Variants in AHNAK2 observed in about 807,000 individuals in gnomAD.
The protein encoded by AHNAK2 is protein AHNAK2.
AHNAK2 carries 18 observed loss-of-function variants against 30.7 expected under a neutral mutation model. The observed-to-expected ratio is 0.59, with a 90% CI of 0.41 to 0.87. The LOEUF is 0.87. Ranked by LOEUF, AHNAK2 falls within the 40% of genes least tolerant of loss-of-function variation. The pLI, the probability that AHNAK2 is intolerant of heterozygous loss-of-function variation, is 0.00. For missense variants in AHNAK2, 8,604 were observed against 7,373.0 expected (o/e 1.17, Z -6.11); for synonymous variants, 3,590 against 3,073.8 (o/e 1.17, Z -5.56).
Position 104,950,603 on chromosome 14 carries a change from A to G in AHNAK2, c.4848T>C (p.Asp1616=), listed in dbSNP as rs369609399. ...KGPKVEVTAP[D]VKMSLSSMEV... is the part of the protein sequence containing the mutation. ...CCATGCTGGACAGAGACATCTTCAC[A>G]TCGGGGGCTGTCACTTCCACCTTGG... The change falls in exon 7 of 7, where the codon GAT becomes GAC. Residue 1616 remains aspartate, a synonymous_variant. Transcript: ENST00000333244. 18 of 1,585,112 alleles carry G rather than the reference A, an allele frequency of 1.1e-5. 3 individuals are homozygous for G. Among genetic ancestry groups the G allele is most frequent in the African/African-American group, 1.1e-4 (8 of 72,546 alleles).
At chr14:104,969,831 C>T (rs1397699832) in intron 1 of AHNAK2, among the ~76,000 whole-genome samples, 1 of 152,206 alleles carries the variant, frequency 6.6e-6, no homozygotes, top group African/African-American at 2.4e-5. Flanking sequence ...GCCAGTTTCC[C>T]TGGGCTGAAA....
Position 104,938,852 on chromosome 14 carries a change from T to C in AHNAK2, c.16599A>G (p.Arg5533=). ...AGTGTTGAGTCATTGTTGTGTACACTCTAGCCTGCGTGTGGGGCTCTGGGA... is the reference window on the plus strand; with the variant it reads ...AGTGTTGAGTCATTGTTGTGTACACCCTAGCCTGCGTGTGGGGCTCTGGGA... ...VKIPEPHTQA[R]VYTTMTQHSR... is the part of the protein sequence containing the mutation. The change falls in exon 7 of 7, where the codon AGA becomes AGG. Residue 5533 remains arginine, a synonymous_variant. Transcript: ENST00000333244. 1 of 1,613,894 alleles carries C rather than the reference T, an allele frequency of 6.2e-7. No individual in the cohort carries two copies.
Position 104,949,461 on chromosome 14 carries a change from G to C in AHNAK2, c.5990C>G (p.Ser1997Trp), listed in dbSNP as rs1168495562. ...CCTCCCTGGGGCCGATACCCCGAAC[G>C]ACGGCATCTTGAATTTGGGCATTTT... is the stretch of plus-strand genomic sequence containing the variant. ...KFKMPKFKMP[S>W]FGVSAPGRSI... The change falls in exon 7 of 7, where the codon TCG becomes TGG. Residue 1997 changes from serine to tryptophan, a missense_variant. Ser to Trp is a radical substitution (Grantham distance 177, BLOSUM62 -3). Transcript: ENST00000333244. 1.3e-6 allele frequency: 2 copies of C among 1,588,240 alleles called. No individual in the cohort carries two copies. The highest frequency in any genetic ancestry group is 2.2e-5 in the South Asian group (2 of 89,886).
chr14:104,953,672 C>T lies in AHNAK2; in HGVS notation c.1779G>A (p.Ser593=), dbSNP rs181934120. ...TGCCTGTCTTTGTGTGCTTGCTTGG[C>T]GACCATCCTAAGGAGGGTATCTTGA... is the stretch of plus-strand genomic sequence containing the variant. ...PKFKIPSLGW[S]PSKHTKTGRE... is the part of the protein sequence containing the mutation. Residue 593 remains serine (S), a synonymous_variant, in exon 7 of 7, where the codon TCG becomes TCA. Transcript: ENST00000333244. The T allele has an allele frequency of 3.2e-4, 509 of 1,613,730 alleles. 9 individuals carry two copies. The East Asian group carries it at 9.2e-3, about 29-fold the overall frequency.
In AHNAK2 at chr14:104,940,131, G is replaced by A. The variant is rs1162702349; in HGVS notation, c.15320C>T (p.Ser5107Phe). 1.2e-6 allele frequency: 2 copies of A among 1,613,224 alleles called. No homozygotes were observed. The highest frequency in any genetic ancestry group is 1.7e-6 in the Non-Finnish European group (2 of 1,179,902). The change falls in exon 7 of 7, where the codon TCC becomes TTC. Residue 5107 changes from serine to phenylalanine, a missense_variant. Physicochemically the swap from Ser to Phe is radical, Grantham distance 155. Transcript: ENST00000333244. The surrounding 1 kb of genome is among the most constrained non-coding windows in gnomAD (Gnocchi z 4.4). Reference protein sequence around the residue: ...LGFAKPDLRSSKAKVEVSQPE... With the variant: ...LGFAKPDLRSFKAKVEVSQPE... ...CTGGCTCACCTCCACCTTGGCCTTGGAGGATCTGAGATCAGGTTTGGCAAA... is the reference window on the plus strand; with the variant it reads ...CTGGCTCACCTCCACCTTGGCCTTGAAGGATCTGAGATCAGGTTTGGCAAA...
At chr14:104,977,351 C>T (rs570905585) in intron 1 of AHNAK2, among the ~76,000 whole-genome samples, 1 of 152,182 alleles carries the variant, frequency 6.6e-6, no homozygotes, top group African/African-American at 2.4e-5. Flanking sequence ...CTGAGACACC[C>T]AGGCCCCGGA....
intron 1 of AHNAK2, among the ~76,000 whole-genome samples, chr14:104,960,712 T>C (rs1899110884): frequency 6.6e-6 from 1 of 152,236 alleles, no homozygotes; most frequent in Non-Finnish European, 1.5e-5. Context: ...AACTGGATTG[T>C]GGTAATGTTT....
chr14:104,946,830 G>C lies in AHNAK2; in HGVS notation c.8621C>G (p.Ala2874Gly). 6.2e-7 allele frequency: 1 copy of C among 1,612,730 alleles called. No homozygotes were observed. The highest frequency in any genetic ancestry group is 8.5e-7 in the Non-Finnish European group (1 of 1,179,626). The change falls in exon 7 of 7, where the codon GCT (alanine) becomes GGT (glycine). Residue 2874 changes from alanine to glycine, a missense_variant. Physicochemically the swap from Ala to Gly is moderately conservative, Grantham distance 60. Coordinates refer to ENST00000333244, the MANE Select transcript of AHNAK2 (RefSeq NM_138420.4). ...QPPSAQLEVQ[A>G]GQVDVKLPEG... Reference sequence around the variant, plus strand: ...TGGGAGTTTCACGTCCACCTGGCCAGCCTGGACCTCCAGTTGGGCGGAGGG... The same window carrying C: ...TGGGAGTTTCACGTCCACCTGGCCACCCTGGACCTCCAGTTGGGCGGAGGG...
In AHNAK2 at chr14:104,966,609, C is replaced by A. The variant is rs1595431794; in HGVS notation, c.56-8937G>T. ...CTCTGCCTCCCAGATGGCTGCCAAA[C>A]CCTCCACTCCTTGCCCACCTGCCCC... On this transcript the variant is annotated intron_variant, in intron 1 of 6. Transcript: ENST00000333244. This position sits in a 1 kb window ranked among gnomAD's most constrained non-coding sequence, Gnocchi z 4.3. Among the ~76,000 whole-genome samples, 1 of 152,132 alleles carries A rather than the reference C, an allele frequency of 6.6e-6. No individual in the cohort carries two copies. The highest frequency in any genetic ancestry group is 1.9e-4 in the East Asian group (1 of 5,180).
rs377659852 is a variant in AHNAK2, at chr14:104,950,157, C to T, written c.5294G>A (p.Gly1765Asp). 22 of 1,586,174 alleles carry T rather than the reference C, an allele frequency of 1.4e-5. 1 individual carries two copies. The African/African-American group carries it at 2.9e-4, about 21-fold the overall frequency. Reference sequence around the variant, plus strand: ...GGGGCCTTTCAGGTCCAGCTTGGGGCCCTTGACGTCCATCTGGGGGCCCTT... The same window carrying T: ...GGGGCCTTTCAGGTCCAGCTTGGGGTCCTTGACGTCCATCTGGGGGCCCTT... ...ALKGPQMDVK[G>D]PKLDLKGPKA... The change falls in exon 7 of 7, where the codon GGC becomes GAC. Residue 1765 changes from glycine to aspartate, a missense_variant. Physicochemically the swap from Gly to Asp is moderately conservative, Grantham distance 94. Transcript: ENST00000333244.
chr14:104,952,593 G>A lies in AHNAK2; in HGVS notation c.2858C>T (p.Thr953Ile), dbSNP rs575362341. 1.6e-5 allele frequency: 26 copies of A among 1,612,692 alleles called. No individual in the cohort carries two copies. The East Asian group carries it at 4.9e-4, about 31-fold the overall frequency. ...LDLKGPKAEV[T>I]APDGEVSLPS... is the part of the protein sequence containing the mutation. ...CAGAGACACCTCGCCATCGGGGGCT[G>A]TCACTTCCGCCTTGGGGCCTTTCAG... Residue 953 changes from threonine (T) to isoleucine (I), a missense_variant, in exon 7 of 7, where the codon ACA becomes ATA. Coordinates refer to ENST00000333244, the MANE Select transcript of AHNAK2 (RefSeq NM_138420.4).
At chr14:104,971,766 G>T (rs1330774787) in intron 1 of AHNAK2, among the ~76,000 whole-genome samples, 1 of 152,232 alleles carries the variant, frequency 6.6e-6, no homozygotes, top group Non-Finnish European at 1.5e-5. Context: ...GACTCAACCA[G>T]CTGTGCTACG....
Position 104,950,433 on chromosome 14 carries a change from G to A in AHNAK2, c.5018C>T (p.Pro1673Leu), listed in dbSNP as rs190033517. 179 of 1,586,834 alleles carry A rather than the reference G, an allele frequency of 1.1e-4. 23 individuals carry two copies. The Admixed American group carries it at 2.9e-3, about 26-fold the overall frequency. Residue 1673 changes from proline to leucine, a missense_variant, in exon 7 of 7, where the codon CCA becomes CTA. Pro to Leu is a moderately conservative substitution (Grantham distance 98, BLOSUM62 -3). Coordinates refer to ENST00000333244, the MANE Select transcript of AHNAK2 (RefSeq NM_138420.4). ...FKMPSFGVSA[P>L]GKSIEASVDV... Reference sequence around the variant, plus strand: ...CACCGAGGCCTCGATGGACTTGCCTGGGGCCGACACCCCAAATGATGGCAT... The same window carrying A: ...CACCGAGGCCTCGATGGACTTGCCTAGGGCCGACACCCCAAATGATGGCAT...
chr14:104,957,133 G>A (rs1031873593), intron 3 of AHNAK2, among the ~76,000 whole-genome samples: 1 of 152,216 alleles, frequency 6.6e-6, no homozygotes, highest in Non-Finnish European at 1.5e-5. Flanking sequence ...CACACACCCT[G>A]TGCCCCTGAA....
In AHNAK2 at chr14:104,953,989, C is replaced by T. The variant is rs192363522; in HGVS notation, c.1462G>A (p.Asp488Asn). The T allele has an allele frequency of 4.2e-5, 68 of 1,613,818 alleles. 1 individual carries two copies. The highest frequency in any genetic ancestry group is 3.3e-4 in the Middle Eastern group (2 of 6,062). Residue 488 changes from aspartate to asparagine, a missense_variant, in exon 7 of 7, where the codon GAT becomes AAT. By Grantham distance (23) the Asp-to-Asn change is conservative. Coordinates refer to ENST00000333244, the MANE Select transcript of AHNAK2 (RefSeq NM_138420.4). ...GPPEIRVRVH[D>N]LKTPKFAFST... ...AATGCAAATTTTGGTGTCTTTAAAT[C>T]GTGTACTCGCACCCTAATTTCTGGT...
Position 104,942,218 on chromosome 14 carries a change from T to C in AHNAK2, c.13233A>G (p.Lys4411=), listed in dbSNP as rs758321547. ...GGGACGTCACCTCCACCTTGGGGCCTTTCAGGTCCAGCTTGGGGACATTAA... is the reference window on the plus strand; with the variant it reads ...GGGACGTCACCTCCACCTTGGGGCCCTTCAGGTCCAGCTTGGGGACATTAA... ...IDVNVPKLDL[K]GPKVEVTSPN... The change falls in exon 7 of 7, where the codon AAA becomes AAG. Residue 4411 remains lysine (K), a synonymous_variant. Coordinates refer to ENST00000333244, the MANE Select transcript of AHNAK2 (RefSeq NM_138420.4). The C allele has an allele frequency of 1.4e-4, 221 of 1,612,962 alleles. No individual in the cohort carries two copies. The highest frequency in any genetic ancestry group is 1.8e-4 in the Non-Finnish European group (214 of 1,179,754).
Position 104,952,265 on chromosome 14 carries a change from C to T in AHNAK2, c.3186G>A (p.Val1062=), listed in dbSNP as rs950787166. 3 of 1,612,516 alleles carry T rather than the reference C, an allele frequency of 1.9e-6. No homozygotes were observed. In the African/African-American group the frequency reaches 4.0e-5, roughly 22 times the overall value. ...GGTGGCCCTCCGGGAGCTTCACATC[C>T]ACCTGGTCAGCCTGGACCTTCAGGT... ...STDLKVQADQ[V]DVKLPEGHLP... The change falls in exon 7 of 7, where the codon GTG becomes GTA. Residue 1062 remains valine (V), a synonymous_variant. Coordinates refer to ENST00000333244, the MANE Select transcript of AHNAK2 (RefSeq NM_138420.4).
rs558077148 is a variant in AHNAK2, at chr14:104,943,077, T to A, written c.12374A>T (p.Asp4125Val). 1.2e-6 allele frequency: 2 copies of A among 1,612,320 alleles called. No homozygotes were observed. The highest frequency in any genetic ancestry group is 1.7e-6 in the Non-Finnish European group (2 of 1,179,324). Residue 4125 changes from aspartate to valine, a missense_variant, in exon 7 of 7, where the codon GAT (aspartate) becomes GTT (valine). Coordinates refer to ENST00000333244, the MANE Select transcript of AHNAK2 (RefSeq NM_138420.4). ...LEGDLSLADK[D>V]VTAKDSKFKM... ...GAACTTGCTGTCTTTGGCAGTCACA[T>A]CCTTGTCGGCCAGGGACAGGTCCCC...
chr14:104,961,287 G>A (rs1473354615), intron 1 of AHNAK2, among the ~76,000 whole-genome samples: 1 of 152,138 alleles, frequency 6.6e-6, no homozygotes, highest in African/African-American at 2.4e-5. Flanking sequence ...GGCCGAGGCG[G>A]GCGGATCACG....
Sources: allele counts gnomAD v4.1 joint callset (sites outside exome capture counted in the v4.1 genomes callset), GRCh38; gene constraint gnomAD v4.1.1; non-coding constraint Gnocchi (gnomAD v3.1); transcripts MANE v1.5; gene names NCBI Gene and HGNC (gene_info 2026-07-23, HGNC 2026-07-21).